The following PLCB1 variants were observed in gnomAD, a reference collection of about 807,000 sequenced individuals.
PLCB1 encodes phospholipase C beta 1, also known as 1-phosphatidylinositol 4,5-bisphosphate phosphodiesterase beta-1.
Under a neutral mutation model 161.8 loss-of-function variants are expected in PLCB1, and 46 were observed. That is an observed-to-expected ratio of 0.28 (90% confidence interval 0.22 to 0.36). The LOEUF is 0.36. Ranked by LOEUF, PLCB1 falls within the 10% of genes least tolerant of loss-of-function variation. The pLI, the probability that PLCB1 is intolerant of heterozygous loss-of-function variation, is 1.00. For synonymous variants in PLCB1, 517 were observed against 503.7 expected (o/e 1.03, Z -0.35); for missense variants, 1,016 against 1,472.5 (o/e 0.69, Z 5.07).
chr20:8,384,584 C>T (rs1367506104), intron 3 of PLCB1, among the ~76,000 whole-genome samples: 1 of 152,040 alleles, frequency 6.6e-6, no homozygotes, highest in Non-Finnish European at 1.5e-5. Flanking sequence ...CATTGAGGTC[C>T]TTTGGAGGAG....
chr20:8,392,776 G>T (rs769261324), intron 3 of PLCB1, among the ~76,000 whole-genome samples: 4 of 152,094 alleles, frequency 2.6e-5, no homozygotes, highest in Non-Finnish European at 5.9e-5. Flanking sequence ...ATGGGAAATG[G>T]CTGAAAATTC....
chr20:8,441,134 A>T (rs1391142188), intron 3 of PLCB1, among the ~76,000 whole-genome samples: 1 of 152,190 alleles, frequency 6.6e-6, no homozygotes, highest in Non-Finnish European at 1.5e-5. Context: ...CAATGTTCCA[A>T]TTATTATTGA....
chr20:8,302,601 A>C lies in PLCB1; in HGVS notation c.178-68781A>C, dbSNP rs541949735. 3.3e-5 allele frequency among the ~76,000 whole-genome samples: 5 copies of C among 152,232 alleles called. 1 individual carries two copies. The South Asian group carries it at 1.0e-3, about 31-fold the overall frequency. ...AATGCATTGAATGCATCTCTTCATC[A>C]TGTTTTCAGAATTTAAATATCTAAC... On this transcript the variant is annotated intron_variant, in intron 2 of 31. Transcript: ENST00000338037.
chr20:8,428,708 G>A (rs1403958096), intron 3 of PLCB1, among the ~76,000 whole-genome samples: 1 of 152,174 alleles, frequency 6.6e-6, no homozygotes, highest in Non-Finnish European at 1.5e-5. Flanking sequence ...TGAATAGGAA[G>A]TTCTACCTGG....
intron 9 of PLCB1, among the ~76,000 whole-genome samples, chr20:8,681,114 ATATAT>A (rs1568558261): frequency 5.3e-4 from 60 of 112,962 alleles, no homozygotes; most frequent in East Asian, 9.1e-4. Context: ...ATATATATAT[ATATAT>A]AATATATATA....
At position 8,315,951 on chromosome 20, in the gene PLCB1, A is replaced by G. The variant is rs182758552; in HGVS notation, c.178-55431A>G. On this transcript the variant is annotated intron_variant, in intron 2 of 31. Coordinates refer to ENST00000338037, the MANE Select transcript of PLCB1 (RefSeq NM_015192.4). ...AGTTTTCACTCCTGTTTTTCTAATGATATGCAATCTTAACTAAATCTGCCA... is the reference window on the plus strand; with the variant it reads ...AGTTTTCACTCCTGTTTTTCTAATGGTATGCAATCTTAACTAAATCTGCCA... Among the ~76,000 whole-genome samples the G allele has an allele frequency of 4.6e-5, 7 of 152,310 alleles. No homozygotes were observed. The South Asian group carries it at 1.2e-3, about 27-fold the overall frequency.
chr20:8,655,035 A>G (rs1249599699), intron 7 of PLCB1, among the ~76,000 whole-genome samples: 1 of 152,064 alleles, frequency 6.6e-6, no homozygotes, highest in East Asian at 1.9e-4. Context: ...GACAAAGAAA[A>G]TCAGCTGTAT....
At chr20:8,641,267 G>A (rs920411951) in intron 4 of PLCB1, among the ~76,000 whole-genome samples, 1 of 152,124 alleles carries the variant, frequency 6.6e-6, no homozygotes, top group African/African-American at 2.4e-5. Flanking sequence ...CATAAAGCCA[G>A]TATTACAAGC....
intron 3 of PLCB1, among the ~76,000 whole-genome samples, chr20:8,417,570 C>T (rs1186996355): frequency 1.3e-5 from 2 of 151,894 alleles, no homozygotes; most frequent in African/African-American, 4.8e-5. Flanking sequence ...TTGAATAGAA[C>T]ATGTTCTCTC....
chr20:8,725,613 A>G (rs915346386), intron 16 of PLCB1, among the ~76,000 whole-genome samples: 1 of 152,186 alleles, frequency 6.6e-6, no homozygotes, highest in Non-Finnish European at 1.5e-5. Context: ...TCAACTTCCA[A>G]GAGTTTATAT....
intron 3 of PLCB1, among the ~76,000 whole-genome samples, chr20:8,587,909 A>G (rs758760170): frequency 1.3e-5 from 2 of 152,198 alleles, no homozygotes; most frequent in Non-Finnish European, 2.9e-5. Flanking sequence ...AAATGAGGTG[A>G]CTTACCAGGC....
chr20:8,755,333 G>A (rs1981686165), intron 23 of PLCB1, among the ~76,000 whole-genome samples: 1 of 151,424 alleles, frequency 6.6e-6, no homozygotes, highest in Non-Finnish European at 1.5e-5. Flanking sequence ...GTAATCACAT[G>A]CCAAAATGTC....
chr20:8,534,111 CT>C (rs1984946159), intron 3 of PLCB1, among the ~76,000 whole-genome samples: 1 of 152,104 alleles, frequency 6.6e-6, no homozygotes, highest in African/African-American at 2.4e-5. Context: ...CTGTGACAGA[CT>C]TTATTTTTGA....
intron 31 of PLCB1, among the ~76,000 whole-genome samples, chr20:8,796,216 CT>C (rs925749088): frequency 2.2e-4 from 34 of 151,970 alleles, no homozygotes; most frequent in Middle Eastern, 3.4e-3. Context: ...GCTACTGGCT[CT>C]TTTTTTTCCC....
chr20:8,483,429 T>A (rs1298319627), intron 3 of PLCB1, among the ~76,000 whole-genome samples: 1 of 152,186 alleles, frequency 6.6e-6, no homozygotes, highest in Admixed American at 6.5e-5. Flanking sequence ...CAGTTAACAT[T>A]AGTTATATGA....
chr20:8,629,657 C>T (rs1354423364), intron 4 of PLCB1, among the ~76,000 whole-genome samples: 2 of 152,184 alleles, frequency 1.3e-5, no homozygotes, highest in Admixed American at 1.3e-4. Context: ...CTTCTCATGT[C>T]ATGCATCACA....
chr20:8,259,871 A>C (rs1378032835), intron 2 of PLCB1, among the ~76,000 whole-genome samples: 1 of 152,148 alleles, frequency 6.6e-6, no homozygotes. Flanking sequence ...CTGGTTTGGC[A>C]CACAATCATT....
intron 31 of PLCB1, among the ~76,000 whole-genome samples, chr20:8,794,470 G>A (rs998023429): frequency 1.3e-4 from 20 of 152,126 alleles, no homozygotes; most frequent in Non-Finnish European, 2.4e-4. Flanking sequence ...GCAACAAGAT[G>A]GGATGAAGTT....
At chr20:8,533,851 A>G (rs1199933749) in intron 3 of PLCB1, among the ~76,000 whole-genome samples, 3 of 152,106 alleles carry the variant, frequency 2.0e-5, no homozygotes, top group African/African-American at 7.2e-5. Flanking sequence ...TTTGCTGTGC[A>G]GAAGCTCTTT....
Sources: allele counts gnomAD v4.1 joint callset (sites outside exome capture counted in the v4.1 genomes callset), GRCh38; gene constraint gnomAD v4.1.1; transcripts MANE v1.5; gene names NCBI Gene and HGNC (gene_info 2026-07-23, HGNC 2026-07-21).